Variants in MROH9 observed in about 807,000 individuals in gnomAD.
MROH9 encodes maestro heat-like repeat-containing protein family member 9.
A neutral mutation model predicts 98.2 loss-of-function variants in MROH9; 92 were observed. That is an observed-to-expected ratio of 0.94 (90% confidence interval 0.79 to 1.11). The LOEUF (loss-of-function observed/expected upper bound fraction) is 1.11, where lower values mean the gene tolerates loss of function less well. MROH9 is among the 50% of genes most tolerant of loss of function. The pLI, the probability that MROH9 is intolerant of heterozygous loss-of-function variation, is 0.00. For missense variants in MROH9, 1,057 were observed against 1,014.8 expected, an observed-to-expected ratio of 1.04 and a Z score of -0.57; for synonymous variants, 397 against 368.9, an observed-to-expected ratio of 1.08 and a Z score of -0.87.
intron 4 of MROH9, 43 bp downstream of exon 4, chr1:170,958,583 C>A (rs57453792): frequency 1.6e-6 from 2 of 1,226,398 alleles, no homozygotes; most frequent in Non-Finnish European, 1.1e-6. Flanking sequence ...TAATTGGATG[C>A]ATTTAAAATG....
intron 2 of MROH9, among the ~76,000 whole-genome samples, chr1:170,946,017 A>G (rs138592545): frequency 6.6e-6 from 1 of 152,162 alleles, no homozygotes; most frequent in East Asian, 1.9e-4. Flanking sequence ...AGCCTTTAGT[A>G]CTTAGAAAAC....
At chr1:170,980,835 C>A (rs1650900772) in intron 8 of MROH9, among the ~76,000 whole-genome samples, 1 of 151,988 alleles carries the variant, frequency 6.6e-6, no homozygotes, top group South Asian at 2.1e-4. Context: ...AATAAGCAAC[C>A]TACAGAATGG....
intron 3 of MROH9, among the ~76,000 whole-genome samples, chr1:170,952,328 T>C (rs1239428192): frequency 6.6e-6 from 1 of 152,070 alleles, no homozygotes; most frequent in Non-Finnish European, 1.5e-5. Context: ...CTATTCACAA[T>C]AGCAAAGACT....
rs1371278844 is a variant in MROH9, at chr1:171,024,699, A to G, written c.2112A>G (p.Thr704=). 3.9e-6 allele frequency: 6 copies of G among 1,551,378 alleles called. No individual in the cohort carries two copies. The highest frequency in any genetic ancestry group is 1.4e-5 in the African/African-American group (1 of 73,160). ...GTACCTCACAATTAAAGTGGTCAAC[A>G]TCACGTTTGCTCAAAGATGAAAATT... is the stretch of plus-strand genomic sequence containing the variant. ...KICTSQLKWS[T]SRLLKDENYS... is the part of the protein sequence containing the mutation. The change falls in exon 19 of 22, where the codon ACA becomes ACG. Residue 704 remains threonine, a synonymous_variant. Transcript: ENST00000367759.
intron 17 of MROH9, among the ~76,000 whole-genome samples, chr1:171,019,751 C>T (rs148177350): frequency 1.7e-3 from 255 of 151,458 alleles, no homozygotes; most frequent in African/African-American, 6.1e-3. Context: ...TAGCAGAAAA[C>T]AAGAAATAAC....
intron 15 of MROH9, among the ~76,000 whole-genome samples, chr1:171,008,161 C>A (rs1027586819): frequency 6.6e-6 from 1 of 152,088 alleles, no homozygotes; most frequent in African/African-American, 2.4e-5. Context: ...ATTGGAGATA[C>A]ACTGTTATTA....
intron 20 of MROH9, among the ~76,000 whole-genome samples, chr1:171,028,105 C>T (rs1023103083): frequency 1.3e-5 from 2 of 152,136 alleles, no homozygotes; most frequent in African/African-American, 4.8e-5. Flanking sequence ...GAAATCTTTG[C>T]CCATGCCTAT....
At chr1:170,987,194 C>A (rs1199819870) in intron 10 of MROH9, among the ~76,000 whole-genome samples, 1 of 152,270 alleles carries the variant, frequency 6.6e-6, no homozygotes, top group Non-Finnish European at 1.5e-5. Context: ...AGCATACGAA[C>A]AATTTTAGAG....
At chr1:170,937,759 G>A (rs1039921368) in intron 1 of MROH9, among the ~76,000 whole-genome samples, 17 of 151,964 alleles carry the variant, frequency 1.1e-4, no homozygotes, top group African/African-American at 3.4e-4. Context: ...TCCTGACCTC[G>A]TGATCCGCCC....
intron 20 of MROH9, among the ~76,000 whole-genome samples, chr1:171,045,400 T>G (rs528903386): frequency 1.4e-4 from 22 of 152,200 alleles, no homozygotes; most frequent in African/African-American, 5.3e-4. Context: ...GCTCATTTGG[T>G]TTTTCCTCTT....
Position 170,986,484 on chromosome 1 carries a change from C to T in MROH9, c.730-77C>T, listed in dbSNP as rs1469544453. ...GGCCCTGCTTGGCTCTTGAGCATCCCCCACCATGTCTGAGTTTAGCTGTCT... is the reference window on the plus strand; with the variant it reads ...GGCCCTGCTTGGCTCTTGAGCATCCTCCACCATGTCTGAGTTTAGCTGTCT... On this transcript the variant is annotated intron_variant, in intron 9 of 21. Transcript: ENST00000367759. The T allele has an allele frequency of 1.2e-5, 18 of 1,492,166 alleles. No individual in the cohort carries two copies. In the Middle Eastern group the frequency reaches 7.2e-4, roughly 60 times the overall value. The allele number at this position is 1,492,166 out of a possible 1,614,324, so 92.4% of individuals were successfully genotyped here.
chr1:170,991,001 T>A (rs1651335101), intron 11 of MROH9, among the ~76,000 whole-genome samples: 2 of 152,172 alleles, frequency 1.3e-5, no homozygotes, highest in South Asian at 4.1e-4. Flanking sequence ...CTTTGTAAGA[T>A]GATTTACTCA....
At chr1:170,977,896 A>G (rs187206499) in intron 8 of MROH9, among the ~76,000 whole-genome samples, 128 of 152,302 alleles carry the variant, frequency 8.4e-4, no homozygotes, top group African/African-American at 2.8e-3. Context: ...TGTGGGCCCA[A>G]GCTAGGAGTT....
At chr1:171,030,346 T>C (rs1652867032) in intron 20 of MROH9, among the ~76,000 whole-genome samples, 1 of 152,132 alleles carries the variant, frequency 6.6e-6, no homozygotes, top group East Asian at 1.9e-4. Flanking sequence ...GATTAGTTTG[T>C]TCTTGATGCT....
At chr1:170,982,793 G>A (rs1393404386) in intron 8 of MROH9, among the ~76,000 whole-genome samples, 1 of 152,116 alleles carries the variant, frequency 6.6e-6, no homozygotes, top group Non-Finnish European at 1.5e-5. Context: ...TACTGGGGAG[G>A]CTGAGGTGAG....
chr1:170,987,549 GC>G (rs1229765148), intron 10 of MROH9, among the ~76,000 whole-genome samples: 1 of 152,136 alleles, frequency 6.6e-6, no homozygotes, highest in African/African-American at 2.4e-5. Context: ...GTCTTTCTAA[GC>G]AAAAAGAACA....
rs78549002 is a variant in MROH9 at position 170,939,962 on chromosome 1, G to A, written c.-38+4375G>A. Among the ~76,000 whole-genome samples the A allele has an allele frequency of 6.1e-3, 935 of 152,300 alleles. 6 individuals are homozygous for A. The highest frequency in any genetic ancestry group is 0.021 in the African/African-American group (865 of 41,560). On this transcript the variant is annotated intron_variant, in intron 1 of 21. Transcript: ENST00000367759. ...TGATGCATCAAGCACCACTGGATCT[G>A]CTGCATCCTATTGTCCAAGTACCAG...
At chr1:171,028,194 A>G (rs2101845878) in intron 20 of MROH9, among the ~76,000 whole-genome samples, 1 of 152,076 alleles carries the variant, frequency 6.6e-6, no homozygotes. Context: ...AAGCCTTGTT[A>G]ATTTTTGTAT....
At position 171,025,499 on chromosome 1, in the gene MROH9, AT is replaced by A. The variant is rs540846832; in HGVS notation, c.2281+87del. The A allele has an allele frequency of 2.4e-4, 215 of 904,018 alleles. 1 individual carries two copies. Among genetic ancestry groups the A allele is most frequent in the Middle Eastern group, 3.4e-4 (1 of 2,980 alleles). 56.0% of individuals were successfully genotyped at this position (904,018 alleles called of 1,614,324 possible). A position where few individuals can be genotyped will look rare whatever the true frequency, so the allele number is the denominator to read the frequency against. ...AGAAGAAACTAAAAGTCTTTCTTAC[AT>A]TTTTTTTAATGTCTCTGTTTATGAG... On this transcript the variant is annotated intron_variant, in intron 20 of 21. Transcript: ENST00000367759.
Sources: gnomAD v4.1 joint callset for allele counts (sites outside exome capture counted in the v4.1 genomes callset) on GRCh38, gnomAD v4.1.1 for gene constraint, MANE v1.5 for transcripts, NCBI Gene and HGNC (gene_info 2026-07-23, HGNC 2026-07-21) for gene names.